The following PIBF1 variants were observed in gnomAD, a reference collection of about 807,000 sequenced individuals.
The protein encoded by PIBF1 is progesterone immunomodulatory binding factor 1.
In PIBF1, 90 loss-of-function variants were observed where a neutral mutation model predicts 112.5. That is an observed-to-expected ratio of 0.80 (90% CI 0.67 to 0.95). The LOEUF (loss-of-function observed/expected upper bound fraction) is 0.95. PIBF1 is among the 40% of genes least tolerant of loss of function. The pLI, the probability that PIBF1 is intolerant of heterozygous loss-of-function variation, is 0.00. For synonymous variants in PIBF1, 301 were observed against 288.6 expected (o/e 1.04, Z -0.44); for missense variants, 915 against 852.3 (o/e 1.07, Z -0.92).
chr13:72,917,229 T>G, intron 13 of PIBF1, 63 bp downstream of exon 13: 1 of 976,172 alleles, frequency 1.0e-6, no homozygotes, highest in Non-Finnish European at 1.5e-6. Flanking sequence ...CATTTGTGCT[T>G]TCTGATAATG....
chr13:72,818,056 TTATAAATA>T (rs2036370596), intron 5 of PIBF1, among the ~76,000 whole-genome samples: 1 of 136,702 alleles, frequency 7.3e-6, no homozygotes, highest in South Asian at 2.8e-4. Context: ...TAAAGGAAAT[TTATAAATA>T]TATACATATA....
chr13:73,009,978 C>T (rs1275595460), intron 17 of PIBF1, among the ~76,000 whole-genome samples: 2 of 152,104 alleles, frequency 1.3e-5, no homozygotes, highest in Admixed American at 6.6e-5. Context: ...TACCTTCTCC[C>T]TGTAAACACA....
intron 16 of PIBF1, among the ~76,000 whole-genome samples, chr13:72,988,873 C>G (rs2043386469): frequency 6.6e-6 from 1 of 152,036 alleles, no homozygotes; most frequent in Admixed American, 6.6e-5. Flanking sequence ...CCTGTCTCTA[C>G]TAAAAATACA....
At chr13:72,789,792 TC>T (rs2138364327) in intron 2 of PIBF1, among the ~76,000 whole-genome samples, 1 of 152,152 alleles carries the variant, frequency 6.6e-6, no homozygotes, top group Admixed American at 6.5e-5. Flanking sequence ...AAGTCTGAAA[TC>T]CAAAAGGGTC....
At chr13:72,792,279 G>A (rs539019419) in intron 2 of PIBF1, among the ~76,000 whole-genome samples, 168 bp from the exon 3 acceptor site, 1 of 152,150 alleles carries the variant, frequency 6.6e-6, no homozygotes, top group Non-Finnish European at 1.5e-5. Flanking sequence ...CTGGGCAACA[G>A]CACTTGGCCT....
intron 5 of PIBF1, among the ~76,000 whole-genome samples, chr13:72,817,236 C>T (rs1487808325): frequency 6.6e-6 from 1 of 152,082 alleles, no homozygotes; most frequent in Non-Finnish European, 1.5e-5. Context: ...TAGGTTGCTG[C>T]TTTTTTCTCA....
intron 10 of PIBF1, among the ~76,000 whole-genome samples, chr13:72,868,263 T>C (rs1170622358): frequency 6.6e-6 from 1 of 150,756 alleles, no homozygotes; most frequent in Non-Finnish European, 1.5e-5. Context: ...ATGGTGCCAC[T>C]ATGCCCCTGC....
chr13:72,811,606 AAAAG>A (rs1175152155), intron 5 of PIBF1, among the ~76,000 whole-genome samples: 2 of 102,680 alleles, frequency 1.9e-5, no homozygotes, highest in African/African-American at 3.6e-5. Flanking sequence ...AAAAAAAAAA[AAAAG>A]AGAGAGAAAT....
At chr13:72,799,597 A>G (rs2035371865) in intron 5 of PIBF1, among the ~76,000 whole-genome samples, 1 of 152,240 alleles carries the variant, frequency 6.6e-6, no homozygotes. Context: ...TAGTCAAAAT[A>G]GTAGAGAACA....
At chr13:72,787,951 C>T (rs1313190913) in intron 2 of PIBF1, among the ~76,000 whole-genome samples, 1 of 152,198 alleles carries the variant, frequency 6.6e-6, no homozygotes, top group Non-Finnish European at 1.5e-5. Context: ...TGCACCCAGC[C>T]ATGCCATACA....
rs1555299662 is a variant in PIBF1, at chr13:72,858,025, G to GCTT, written c.1322+3870_1322+3871insCTT. On this transcript the variant is annotated intron_variant, in intron 10 of 17. Transcript: ENST00000326291. ...CCTATCAGAAGTACAAATGTACATT[G>GCTT]TGTGTGTGTGTGTGTGTGTGTGTGT... is the stretch of plus-strand genomic sequence containing the variant. Among the ~76,000 whole-genome samples the GCTT allele has an allele frequency of 2.8e-3, 49 of 17,604 alleles. 1 individual carries two copies. Among genetic ancestry groups the GCTT allele is most frequent in the East Asian group, 6.7e-3 (3 of 446 alleles). 11.5% of individuals were successfully genotyped at this position (17,604 alleles called of 152,430 possible).
At chr13:72,949,555 G>A (rs2042243507) in intron 14 of PIBF1, among the ~76,000 whole-genome samples, 1 of 152,030 alleles carries the variant, frequency 6.6e-6, no homozygotes, top group African/African-American at 2.4e-5. Context: ...GACCTCAGGT[G>A]ATCTGCCCGC....
intron 10 of PIBF1, among the ~76,000 whole-genome samples, chr13:72,861,210 A>T (rs2038683234): frequency 6.6e-6 from 1 of 152,116 alleles, no homozygotes; most frequent in African/African-American, 2.4e-5. Context: ...AGGTGAGAGG[A>T]TTACTTGAGC....
At chr13:72,911,972 GAA>G (rs1169449021) in intron 12 of PIBF1, among the ~76,000 whole-genome samples, 2 of 145,496 alleles carry the variant, frequency 1.4e-5, no homozygotes, top group African/African-American at 5.1e-5. Flanking sequence ...GAAAAAAAGA[GAA>G]AGAGAGAAGG....
intron 10 of PIBF1, among the ~76,000 whole-genome samples, chr13:72,885,006 G>A (rs2039788409): frequency 6.6e-6 from 1 of 152,036 alleles, no homozygotes; most frequent in South Asian, 2.1e-4. Context: ...CTTGTAGGTA[G>A]GCTAGTGAGT....
intron 11 of PIBF1, among the ~76,000 whole-genome samples, chr13:72,903,213 A>G (rs534802802): frequency 6.6e-6 from 1 of 152,228 alleles, no homozygotes; most frequent in East Asian, 1.9e-4. Flanking sequence ...ATATCCAGAT[A>G]TTAAAGTTTA....
At chr13:72,849,621 T>G (rs935883797) in intron 9 of PIBF1, among the ~76,000 whole-genome samples, 1 of 152,262 alleles carries the variant, frequency 6.6e-6, no homozygotes, top group African/African-American at 2.4e-5. Flanking sequence ...CACAATTCTT[T>G]CAAGGCTTAT....
chr13:72,985,422 C>T (rs1302580569), intron 16 of PIBF1, among the ~76,000 whole-genome samples: 5 of 149,314 alleles, frequency 3.3e-5, no homozygotes, highest in Admixed American at 2.7e-4. Context: ...GCCTTGTAGT[C>T]CCAGCTACTT....
intron 17 of PIBF1, among the ~76,000 whole-genome samples, chr13:73,014,146 G>C (rs1299082174): frequency 6.7e-6 from 1 of 148,642 alleles, no homozygotes; most frequent in Non-Finnish European, 1.5e-5. Flanking sequence ...GCTAATTTGT[G>C]TATTGTTTGT....
Sources: gnomAD v4.1 joint callset for allele counts (sites outside exome capture counted in the v4.1 genomes callset) on GRCh38, gnomAD v4.1.1 for gene constraint, MANE v1.5 for transcripts, NCBI Gene and HGNC (gene_info 2026-07-23, HGNC 2026-07-21) for gene names.